Variants in WDR27 observed in about 807,000 individuals in gnomAD.
WDR27 encodes the protein WD repeat domain 27.
A neutral mutation model predicts 114.4 loss-of-function variants in WDR27; 100 were observed. The observed-to-expected ratio is 0.87, with a 90% CI of 0.74 to 1.03. The LOEUF is 1.03. Ranked by LOEUF, WDR27 falls within the 50% of genes least tolerant of loss-of-function variation. WDR27 has a pLI of 0.00. For synonymous variants in WDR27, 449 were observed against 423.1 expected, an observed-to-expected ratio of 1.06 and a Z score of -0.75; for missense variants, 1,129 against 1,092.9, an observed-to-expected ratio of 1.03 and a Z score of -0.47.
At chr6:169,474,105 A>G (rs148671607) in intron 25 of WDR27, among the ~76,000 whole-genome samples, 8 of 152,376 alleles carry the variant, frequency 5.3e-5, no homozygotes, top group Admixed American at 2.6e-4. Context: ...GTAAATCTGT[A>G]ACCACAGGGC....
intron 25 of WDR27, among the ~76,000 whole-genome samples, chr6:169,470,552 T>C (rs1333775948): frequency 3.3e-5 from 5 of 152,248 alleles, no homozygotes; most frequent in African/African-American, 9.6e-5. Flanking sequence ...GATGCCAGGA[T>C]GGTCACATTC....
chr6:169,686,622 C>T (rs1783024666), intron 2 of WDR27, among the ~76,000 whole-genome samples: 1 of 152,026 alleles, frequency 6.6e-6, no homozygotes, highest in South Asian at 2.1e-4. Context: ...ATACTTACAT[C>T]AGATAAAACA....
chr6:169,632,803 G>T, intron 21 of WDR27, 144 bp downstream of exon 21: 2 of 778,548 alleles, frequency 2.6e-6, no homozygotes, highest in Non-Finnish European at 3.7e-6. Context: ...AAACATCAAG[G>T]CTTCGAATAA....
At chr6:169,501,434 C>G (rs1227451848) in intron 25 of WDR27, among the ~76,000 whole-genome samples, 4 of 152,202 alleles carry the variant, frequency 2.6e-5, no homozygotes, top group African/African-American at 9.6e-5. Flanking sequence ...CCCAACCTCA[C>G]AGAGAGAACT....
chr6:169,461,430 T>C (rs1440056017), intron 25 of WDR27, among the ~76,000 whole-genome samples: 1 of 152,086 alleles, frequency 6.6e-6, no homozygotes, highest in African/African-American at 2.4e-5. Context: ...TCTGACCATA[T>C]AGGATGAATT....
chr6:169,651,997 C>T lies in WDR27; in HGVS notation c.1414G>A (p.Val472Ile), dbSNP rs371086301. The T allele has an allele frequency of 2.5e-5, 40 of 1,613,630 alleles. No homozygotes were observed. The highest frequency in any genetic ancestry group is 1.3e-4 in the African/African-American group (10 of 74,908). The change falls in exon 14 of 26, where the codon GTC (valine) becomes ATC (isoleucine). Residue 472 changes from valine (V) to isoleucine (I), a missense_variant. By Grantham distance (29) the Val-to-Ile change is conservative. Coordinates refer to ENST00000448612, the MANE Select transcript of WDR27 (RefSeq NM_182552.5). ...ASEQRRAARNVMKDQRLVFHS... is the reference protein window; with the variant it reads ...ASEQRRAARNIMKDQRLVFHS... ...AAAACCAGGCGTTGGTCCTTCATGA[C>T]GTTCCGTGCAGCTGTGGAAAGGCAA...
At chr6:169,591,595 GT>G (rs1354977278) in intron 23 of WDR27, among the ~76,000 whole-genome samples, 3 of 152,138 alleles carry the variant, frequency 2.0e-5, no homozygotes, top group Non-Finnish European at 4.4e-5. Flanking sequence ...TTATGTTTTT[GT>G]TTTTAGCTAT....
At chr6:169,581,878 G>A (rs992091595) in intron 24 of WDR27, among the ~76,000 whole-genome samples, 7 of 152,276 alleles carry the variant, frequency 4.6e-5, no homozygotes, top group African/African-American at 1.4e-4. Flanking sequence ...AGAGCACACA[G>A]TCACACAGTG....
chr6:169,473,603 C>A (rs1365388748), intron 25 of WDR27, among the ~76,000 whole-genome samples: 1 of 151,698 alleles, frequency 6.6e-6, no homozygotes, highest in Admixed American at 6.6e-5. Flanking sequence ...ACCCAACTTG[C>A]ACTAGTTTAG....
chr6:169,664,336 C>T (rs763171689), intron 7 of WDR27, 50 bp from the exon 8 acceptor site: 49 of 1,611,026 alleles, frequency 3.0e-5, no homozygotes, highest in Admixed American at 2.2e-4. Context: ...AGGGTCCTGA[C>T]GCAGAAGCAG....
At chr6:169,651,840 C>T (rs376022430) in intron 14 of WDR27, 90 bp downstream of exon 14, 125 of 1,169,638 alleles carry the variant, frequency 1.1e-4, no homozygotes, top group South Asian at 8.1e-4. Context: ...CTGTGGCCCT[C>T]GGGGATGTAT....
rs137990833 is a variant in WDR27 at position 169,509,185 on chromosome 6, G to A, written c.2646-51551C>T. On this transcript the variant is annotated intron_variant, in intron 25 of 25. Transcript: ENST00000448612. ...CTCACGGGTAGGAAGAACCAATATCGTGAAAATGGCCACACTGCCCAACGT... is the reference window on the plus strand; with the variant it reads ...CTCACGGGTAGGAAGAACCAATATCATGAAAATGGCCACACTGCCCAACGT... Among the ~76,000 whole-genome samples, 518 of 152,258 alleles carry A rather than the reference G, an allele frequency of 3.4e-3. 5 individuals carry two copies. Among genetic ancestry groups the A allele is most frequent in the African/African-American group, 0.012 (496 of 41,536 alleles).
chr6:169,664,753 G>A, intron 7 of WDR27: 1 of 995,596 alleles, frequency 1.0e-6, no homozygotes, highest in Non-Finnish European at 1.2e-6. Context: ...TTTGTGAAAT[G>A]AACTTAAAAG....
At chr6:169,493,622 G>A in intron 25 of WDR27, among the ~76,000 whole-genome samples, 1 of 152,142 alleles carries the variant, frequency 6.6e-6, no homozygotes, top group Non-Finnish European at 1.5e-5. Context: ...TTATGAAATA[G>A]TAATTGAATA....
chr6:169,505,487 G>C (rs796579974), intron 25 of WDR27, among the ~76,000 whole-genome samples: 14 of 59,512 alleles, frequency 2.4e-4, no homozygotes, highest in African/African-American at 4.8e-4. Context: ...TAGGGAAACA[G>C]GGACTCATAA....
chr6:169,683,633 A>C (rs1196360327), intron 2 of WDR27, among the ~76,000 whole-genome samples: 1 of 152,174 alleles, frequency 6.6e-6, no homozygotes, highest in African/African-American at 2.4e-5. Context: ...ACCTGTGGTG[A>C]CTGGAAGTCC....
chr6:169,493,337 A>G (rs1790006463), intron 25 of WDR27, among the ~76,000 whole-genome samples: 1 of 152,108 alleles, frequency 6.6e-6, no homozygotes, highest in African/African-American at 2.4e-5. Context: ...CACAATCTTT[A>G]TGCACCTAAA....
Position 169,482,199 on chromosome 6 carries a change from C to T in WDR27, c.2646-24565G>A, listed in dbSNP as rs116015667. Among the ~76,000 whole-genome samples, 593 of 152,206 alleles carry T rather than the reference C, an allele frequency of 3.9e-3. 4 individuals carry two copies. The highest frequency in any genetic ancestry group is 0.013 in the African/African-American group (551 of 41,522). ...ACATTTTCTTTACCCAGTCTATTGC[C>T]GGTATGCATTTATGTTGATTCCATG... On this transcript the variant is annotated intron_variant, in intron 25 of 25. Coordinates refer to ENST00000448612, the MANE Select transcript of WDR27 (RefSeq NM_182552.5).
At chr6:169,513,589 C>G (rs1366713819) in intron 25 of WDR27, among the ~76,000 whole-genome samples, 2 of 150,066 alleles carry the variant, frequency 1.3e-5, no homozygotes, top group Non-Finnish European at 3.0e-5. Flanking sequence ...AGAAAACAAC[C>G]AGGCACTAAG....
Sources: allele counts gnomAD v4.1 joint callset (sites outside exome capture counted in the v4.1 genomes callset), GRCh38; gene constraint gnomAD v4.1.1; transcripts MANE v1.5; gene names NCBI Gene and HGNC (gene_info 2026-07-23, HGNC 2026-07-21).